The following KIAA2012 variants were observed in gnomAD, a reference collection of about 807,000 sequenced individuals.
KIAA2012 encodes KIAA2012.
A neutral mutation model predicts 150.6 loss-of-function variants in KIAA2012; 125 were observed. The ratio of observed to expected loss-of-function variants is 0.83; its 90% CI spans 0.72 to 0.96. The LOEUF (loss-of-function observed/expected upper bound fraction) is 0.96. Ranked by LOEUF, KIAA2012 falls within the 40% of genes least tolerant of loss-of-function variation. The pLI, the probability that KIAA2012 is intolerant of heterozygous loss-of-function variation, is 0.00. For missense variants in KIAA2012, 1,219 were observed against 1,354.9 expected (o/e 0.90, Z 1.57); for synonymous variants, 462 against 504.7 (o/e 0.92, Z 1.13).
intron 15 of KIAA2012, among the ~76,000 whole-genome samples, chr2:202,182,107 TC>T (rs1692132444): frequency 6.7e-6 from 1 of 148,642 alleles, no homozygotes; most frequent in Non-Finnish European, 1.5e-5. Context: ...TTTTCTTTAT[TC>T]TTTTTTTTTT....
At position 202,100,405 on chromosome 2, in the gene KIAA2012, A is replaced by G; in HGVS notation, c.1111A>G (p.Thr371Ala). The G allele has an allele frequency of 6.4e-7, 1 of 1,550,606 alleles. No individual in the cohort carries two copies. The highest frequency in any genetic ancestry group is 8.7e-7 in the Non-Finnish European group (1 of 1,146,986). The stretch of plus-strand genomic sequence containing the variant: ...CCTCTTCCCTCCTGTAGCATCTGCC[A>G]CTGGCTCCAGAATAATCACCCCTGG... ...RSLFPPVASA[T>A]GSRIITPGEV... Residue 371 changes from threonine to alanine, a missense_variant, in exon 7 of 24, where the codon ACT becomes GCT. By Grantham distance (58) the Thr-to-Ala change is moderately conservative. Transcript: ENST00000498697.
At chr2:202,137,677 T>C (rs1418108205) in intron 12 of KIAA2012, 1 of 152,196 alleles carries the variant, frequency 6.6e-6, no homozygotes, top group African/African-American at 2.4e-5. Flanking sequence ...TTTTGCGCCA[T>C]GGAGTTTTAG....
At chr2:202,187,717 T>C (rs1253804535) in intron 17 of KIAA2012, among the ~76,000 whole-genome samples, 1 of 152,222 alleles carries the variant, frequency 6.6e-6, no homozygotes, top group African/African-American at 2.4e-5. Flanking sequence ...AGGTGAAGAC[T>C]GACATAGTTG....
chr2:202,095,651 A>T (rs1201029662), intron 4 of KIAA2012, among the ~76,000 whole-genome samples: 2 of 152,238 alleles, frequency 1.3e-5, no homozygotes, highest in Admixed American at 6.5e-5. Context: ...GATGATGTTT[A>T]CTAAGAAAAA....
intron 14 of KIAA2012, 79 bp downstream of exon 14, chr2:202,154,889 A>G: frequency 1.4e-6 from 2 of 1,423,944 alleles, no homozygotes; most frequent in South Asian, 1.6e-5. Flanking sequence ...TGCATGGTAC[A>G]AAAACAGCTT....
intron 13 of KIAA2012, among the ~76,000 whole-genome samples, chr2:202,149,903 G>C (rs1691387304): frequency 6.6e-6 from 1 of 152,220 alleles, no homozygotes. Context: ...TGGGTCTGTA[G>C]CTCAGATATT....
At chr2:202,169,678 G>A (rs969251660) in intron 15 of KIAA2012, among the ~76,000 whole-genome samples, 1 of 152,158 alleles carries the variant, frequency 6.6e-6, no homozygotes. Flanking sequence ...GCACCTGGGA[G>A]CTTATTAGAA....
intron 13 of KIAA2012, among the ~76,000 whole-genome samples, chr2:202,152,788 T>C (rs1001277088): frequency 5.9e-5 from 9 of 152,216 alleles, no homozygotes; most frequent in Admixed American, 4.6e-4. Flanking sequence ...GGGTGTTCAT[T>C]GGAATGATGA....
intron 22 of KIAA2012, among the ~76,000 whole-genome samples, chr2:202,200,784 G>GCAACGTCCA (rs1692504659): frequency 7.0e-6 from 1 of 143,328 alleles, no homozygotes; most frequent in African/African-American, 2.6e-5. Flanking sequence ...TCGGCTCACC[G>GCAACGTCCA]CAACCTCCGC....
At chr2:202,093,330 C>T (rs555092376) in intron 4 of KIAA2012, 145 bp downstream of exon 4, 5 of 791,528 alleles carry the variant, frequency 6.3e-6, no homozygotes, top group Non-Finnish European at 1.0e-5. Context: ...TTAGTGCAGA[C>T]CAGCACTGTC....
intron 4 of KIAA2012, 90 bp downstream of exon 4, chr2:202,093,275 CT>C: frequency 7.4e-7 from 1 of 1,353,434 alleles, no homozygotes; most frequent in East Asian, 2.5e-5. Context: ...AAAACAAGGT[CT>C]TGAGATTCTG....
rs186581165 is a variant in KIAA2012 at position 202,077,663 on chromosome 2, G to C, written c.369+2488G>C. On this transcript the variant is annotated intron_variant, in intron 2 of 23. Coordinates refer to ENST00000498697, the MANE Select transcript of KIAA2012 (RefSeq NM_001277372.4). The stretch of plus-strand genomic sequence containing the variant: ...AAAGAGGAGGAGAAGCAACTCAAAA[G>C]GGACTTCGAATTAAAGAAAATGAAC... Among the ~76,000 whole-genome samples, 23 of 152,140 alleles carry C rather than the reference G, an allele frequency of 1.5e-4. No individual in the cohort carries two copies. The South Asian group carries it at 1.7e-3, about 11-fold the overall frequency.
At chr2:202,188,031 TG>T in intron 17 of KIAA2012, 120 bp from the exon 18 acceptor site, 1 of 759,118 alleles carries the variant, frequency 1.3e-6, no homozygotes, top group Non-Finnish European at 2.1e-6. Flanking sequence ...CTGCTTTACC[TG>T]GAACCCACAC....
chr2:202,122,148 T>C (rs1170263161), intron 11 of KIAA2012, among the ~76,000 whole-genome samples: 1 of 152,202 alleles, frequency 6.6e-6, no homozygotes, highest in African/African-American at 2.4e-5. Flanking sequence ...AGGGAAAGCC[T>C]TGTATGCCAG....
chr2:202,156,634 C>G (rs1418456792), intron 14 of KIAA2012, among the ~76,000 whole-genome samples: 1 of 152,182 alleles, frequency 6.6e-6, no homozygotes, highest in Non-Finnish European at 1.5e-5. Context: ...GCCTGTAATC[C>G]CAGCACTTTG....
At chr2:202,138,262 A>G in intron 12 of KIAA2012, 170 bp from the exon 13 acceptor site, 1 of 587,872 alleles carries the variant, frequency 1.7e-6, no homozygotes, top group Non-Finnish European at 3.1e-6. Flanking sequence ...ATGCCTATAG[A>G]GGTTACAGGT....
chr2:202,133,101 T>TAAAAAAA lies in KIAA2012; in HGVS notation c.1832-5328_1832-5322dup, dbSNP rs376450801. 4.3e-3 allele frequency among the ~76,000 whole-genome samples: 311 copies of TAAAAAAA among 73,152 alleles called. 9 individuals are homozygous for TAAAAAAA. The highest frequency in any genetic ancestry group is 0.014 in the Middle Eastern group (2 of 148). The allele number at this position is 73,152 out of a possible 152,430, so 48.0% of individuals were successfully genotyped here. On this transcript the variant is annotated intron_variant, in intron 12 of 23. Transcript: ENST00000498697. ...GCCTGGGCGACAGTGTGAGACTGTC[T>TAAAAAAA]AAAAAAAAATATATATATATATATA...
chr2:202,144,795 T>C (rs1017700923), intron 13 of KIAA2012, among the ~76,000 whole-genome samples: 1 of 152,164 alleles, frequency 6.6e-6, no homozygotes, highest in Non-Finnish European at 1.5e-5. Context: ...AGTTCGAAAC[T>C]AGCCAGGGCA....
intron 9 of KIAA2012, among the ~76,000 whole-genome samples, chr2:202,106,813 T>C (rs1690207861): frequency 1.3e-5 from 2 of 152,152 alleles, no homozygotes; most frequent in Non-Finnish European, 2.9e-5. Context: ...GTTTATGTGT[T>C]GGATAGGTTG....
Sources: gnomAD v4.1 joint callset for allele counts (sites outside exome capture counted in the v4.1 genomes callset) on GRCh38, gnomAD v4.1.1 for gene constraint, MANE v1.5 for transcripts, NCBI Gene and HGNC (gene_info 2026-07-23, HGNC 2026-07-21) for gene names.